Variants in NCKAP5 observed in about 807,000 individuals in gnomAD.
NCKAP5 encodes the protein nck-associated protein 5.
A neutral mutation model predicts 167.0 loss-of-function variants in NCKAP5; 92 were observed. That is an observed-to-expected ratio of 0.55 (90% CI 0.47 to 0.66). The LOEUF is 0.66. NCKAP5 is among the 30% of genes least tolerant of loss of function. The probability of loss-of-function intolerance (pLI) is 0.00; values close to 1 mark genes in which losing one functional copy is unlikely to be tolerated. For missense variants in NCKAP5, 2,378 were observed against 2,315.0 expected (o/e 1.03, Z -0.56); for synonymous variants, 891 against 877.4 (o/e 1.02, Z -0.27).
At chr2:132,861,084 C>T (rs1351266436) in intron 10 of NCKAP5, among the ~76,000 whole-genome samples, 1 of 151,676 alleles carries the variant, frequency 6.6e-6, no homozygotes, top group Non-Finnish European at 1.5e-5. Context: ...GGTGATGGGG[C>T]TAATAGAGTC....
rs763955589 is a variant in NCKAP5 at position 132,782,885 on chromosome 2, C to G, written c.3926G>C (p.Gly1309Ala). The part of the protein sequence containing the change: ...TQIITNTAER[G>A]NSLTRQNSST... ...AGAGTTCTGCCGGGTAAGAGAATTG[C>G]CTCTCTCGGCGGTATTGGTAATGAT... Residue 1309 changes from glycine to alanine, a missense_variant, in exon 14 of 20, where the codon GGC becomes GCC. By Grantham distance (60) the Gly-to-Ala change is moderately conservative. Around this residue, in one of 3 missense-constraint regions of NCKAP5, gnomAD observed 1,325 missense variants for 1,274.5 expected, o/e 1.04. Transcript: ENST00000409261. 1 of 1,613,896 alleles carries G rather than the reference C, an allele frequency of 6.2e-7. No homozygotes were observed. Among genetic ancestry groups the G allele is most frequent in the Non-Finnish European group, 8.5e-7 (1 of 1,179,878 alleles).
At chr2:133,626,017 A>T in the NCKAP5 span, among the ~76,000 whole-genome samples, 3 of 152,228 alleles carry the variant, frequency 2.0e-5, no homozygotes, top group Non-Finnish European at 4.4e-5. Flanking sequence ...CATCATTTTT[A>T]AAACTATTAA....
At chr2:133,447,711 C>G (rs907570757) in intron 3 of NCKAP5, among the ~76,000 whole-genome samples, 6 of 151,906 alleles carry the variant, frequency 3.9e-5, no homozygotes, top group Non-Finnish European at 7.4e-5. Context: ...GTCTCAAACT[C>G]TTGGGCTCAA....
intron 3 of NCKAP5, among the ~76,000 whole-genome samples, chr2:133,455,705 A>G (rs1691807968): frequency 6.6e-6 from 1 of 152,182 alleles, no homozygotes; most frequent in Non-Finnish European, 1.5e-5. Flanking sequence ...ATGAAAGGAA[A>G]GCAATAAAAG....
At chr2:133,480,196 T>C (rs1680301350) in intron 3 of NCKAP5, among the ~76,000 whole-genome samples, 1 of 152,082 alleles carries the variant, frequency 6.6e-6, no homozygotes, top group African/African-American at 2.4e-5. Context: ...CCTCCCAAAG[T>C]GCTGGGATTA....
At chr2:133,442,031 G>A (rs1690891482) in intron 3 of NCKAP5, among the ~76,000 whole-genome samples, 2 of 152,022 alleles carry the variant, frequency 1.3e-5, no homozygotes, top group South Asian at 4.1e-4. Flanking sequence ...CAACAAAAAA[G>A]ACCCACTGGA....
At chr2:133,114,303 G>C (rs1011980377) in intron 6 of NCKAP5, among the ~76,000 whole-genome samples, 3 of 152,084 alleles carry the variant, frequency 2.0e-5, no homozygotes, top group Non-Finnish European at 2.9e-5. Context: ...ATCTGCAAAA[G>C]TAAAGGTTCC....
chr2:133,159,998 A>C (rs968929147), intron 5 of NCKAP5, among the ~76,000 whole-genome samples: 1 of 152,202 alleles, frequency 6.6e-6, no homozygotes, highest in Admixed American at 6.5e-5. Flanking sequence ...TCTTCTCCCC[A>C]TCTGGTCTTC....
chr2:133,183,248 T>G (rs374151980), intron 5 of NCKAP5, among the ~76,000 whole-genome samples: 4 of 152,170 alleles, frequency 2.6e-5, no homozygotes, highest in African/African-American at 9.6e-5. Context: ...GAGGGAATAC[T>G]TCCCAATTCA....
chr2:133,203,956 G>A (rs1013908266), intron 5 of NCKAP5, among the ~76,000 whole-genome samples: 2 of 152,074 alleles, frequency 1.3e-5, no homozygotes, highest in African/African-American at 4.8e-5. Flanking sequence ...TAAAAAAGAG[G>A]GTGTTTAATT....
intron 6 of NCKAP5, among the ~76,000 whole-genome samples, chr2:133,073,196 G>A (rs1297668999): frequency 6.6e-6 from 1 of 152,042 alleles, no homozygotes; most frequent in Admixed American, 6.6e-5. Context: ...AGAAAACGGG[G>A]TGTCTGTAGG....
intron 19 of NCKAP5, among the ~76,000 whole-genome samples, chr2:132,688,870 C>T (rs1028860600): frequency 1.3e-5 from 2 of 150,784 alleles, no homozygotes; most frequent in African/African-American, 4.9e-5. Flanking sequence ...CCTGTGGTCC[C>T]ACCTACTTGG....
intron 3 of NCKAP5, among the ~76,000 whole-genome samples, chr2:133,499,542 A>T (rs1682292149): frequency 1.0e-5 from 1 of 96,300 alleles, no homozygotes; most frequent in African/African-American, 4.5e-5. Context: ...ATAAAAGTCT[A>T]AGTGTTCTTT....
intron 5 of NCKAP5, among the ~76,000 whole-genome samples, chr2:133,209,744 T>C (rs1223231329): frequency 6.6e-6 from 1 of 152,144 alleles, no homozygotes; most frequent in Non-Finnish European, 1.5e-5. Context: ...TGTTAATCTC[T>C]TAGTTTTGAC....
chr2:133,137,833 C>A (rs528716171), intron 5 of NCKAP5, among the ~76,000 whole-genome samples: 1 of 152,186 alleles, frequency 6.6e-6, no homozygotes, highest in Non-Finnish European at 1.5e-5. Flanking sequence ...TTTACTTCCG[C>A]GCAGAGGGGT....
intron 13 of NCKAP5, among the ~76,000 whole-genome samples, chr2:132,789,154 C>T (rs1026663677): frequency 2.0e-5 from 3 of 152,094 alleles, no homozygotes; most frequent in African/African-American, 7.2e-5. Flanking sequence ...AAGTGAAAAG[C>T]CTTTGAGAAG....
At chr2:133,399,204 C>T (rs1687942014) in intron 3 of NCKAP5, among the ~76,000 whole-genome samples, 1 of 151,950 alleles carries the variant, frequency 6.6e-6, no homozygotes, top group African/African-American at 2.4e-5. Flanking sequence ...GTAACAAAAG[C>T]TATAGGAATA....
the NCKAP5 span, among the ~76,000 whole-genome samples, chr2:133,660,955 C>CAA: frequency 2.0e-3 from 246 of 124,848 alleles, 1 homozygote; most frequent in African/African-American, 6.3e-3. Context: ...TACAGGCTTG[C>CAA]AAAAAAAAAA....
chr2:132,819,287 T>C (rs1321643212), intron 11 of NCKAP5, among the ~76,000 whole-genome samples: 3 of 152,122 alleles, frequency 2.0e-5, no homozygotes, highest in Non-Finnish European at 4.4e-5. Flanking sequence ...CTGGTCCTGG[T>C]TGGGGGAGGA....
Sources: allele counts gnomAD v4.1 joint callset (sites outside exome capture counted in the v4.1 genomes callset), GRCh38; gene constraint gnomAD v4.1.1; regional missense constraint gnomAD v4.1.1; transcripts MANE v1.5; gene names NCBI Gene and HGNC (gene_info 2026-07-23, HGNC 2026-07-21).